Variants in DCC observed in about 807,000 individuals in gnomAD.
DCC encodes the protein netrin receptor DCC.
In DCC, 58 loss-of-function variants were observed where a neutral mutation model predicts 172.5. The observed-to-expected ratio is 0.34, with a 90% CI of 0.27 to 0.42. The LOEUF is 0.42. Among genes scored for constraint, DCC ranks in the 10% least tolerant of loss-of-function variants. The pLI is 1.00. For synonymous variants in DCC, 709 were observed against 644.5 expected (o/e 1.10, Z -1.52); for missense variants, 1,740 against 1,791.0 (o/e 0.97, Z 0.51).
intron 1 of DCC, among the ~76,000 whole-genome samples, chr18:52,725,636 G>T (rs1281541728): frequency 6.6e-6 from 1 of 152,122 alleles, no homozygotes; most frequent in Non-Finnish European, 1.5e-5. Flanking sequence ...TGTGGAGGAG[G>T]TATGCGACTC....
chr18:52,743,424 T>A (rs532622079), intron 1 of DCC, among the ~76,000 whole-genome samples: 14 of 152,288 alleles, frequency 9.2e-5, no homozygotes, highest in South Asian at 8.3e-4. Context: ...TGGGGCATGA[T>A]AACCTACATG....
Position 53,189,292 on chromosome 18 carries a change from G to A in DCC, c.1573+10176G>A, listed in dbSNP as rs1246838857. 2.6e-5 allele frequency among the ~76,000 whole-genome samples: 4 copies of A among 152,178 alleles called. No homozygotes were observed. In the East Asian group the frequency reaches 5.8e-4, roughly 22 times the overall value. On this transcript the variant is annotated intron_variant, in intron 9 of 28. Transcript: ENST00000442544. ...TCAGAGTCCAGATATTGGCATTAGT[G>A]TCTGGAAGAAAAACATTTTAGGGAT...
In DCC at chr18:52,646,604, A is replaced by C. The variant is rs185410571; in HGVS notation, c.92-105450A>C. ...AATAATTTGCCAGCACTGCTCACAAAACTTAGGGAAAGATTTACTTATGTT... is the reference window on the plus strand; with the variant it reads ...AATAATTTGCCAGCACTGCTCACAACACTTAGGGAAAGATTTACTTATGTT... On this transcript the variant is annotated intron_variant, in intron 1 of 28. Coordinates refer to ENST00000442544, the MANE Select transcript of DCC (RefSeq NM_005215.4). Among the ~76,000 whole-genome samples the C allele has an allele frequency of 1.6e-4, 25 of 152,298 alleles. No individual in the cohort carries two copies. In the East Asian group the frequency reaches 4.1e-3, roughly 25 times the overall value.
At chr18:53,191,236 A>G (rs2055362319) in intron 9 of DCC, among the ~76,000 whole-genome samples, 1 of 152,160 alleles carries the variant, frequency 6.6e-6, no homozygotes, top group South Asian at 2.1e-4. Context: ...GACTCCCAGA[A>G]ATGAGTAGAT....
At chr18:53,390,719 G>T (rs1217071359) in intron 16 of DCC, among the ~76,000 whole-genome samples, 1 of 152,134 alleles carries the variant, frequency 6.6e-6, no homozygotes, top group East Asian at 1.9e-4. Context: ...GTGTTTTGGA[G>T]AATTTTGTAA....
chr18:53,041,236 A>G (rs1401790675), intron 5 of DCC, among the ~76,000 whole-genome samples: 2 of 152,138 alleles, frequency 1.3e-5, no homozygotes, highest in East Asian at 3.9e-4. Flanking sequence ...GCATATGGCT[A>G]GCCAGTTTTC....
At chr18:53,498,062 A>T (rs1450652552) in intron 26 of DCC, among the ~76,000 whole-genome samples, 1 of 152,222 alleles carries the variant, frequency 6.6e-6, no homozygotes, top group African/African-American at 2.4e-5. Context: ...CTGCTCAATG[A>T]CCCAGAAGAC....
chr18:52,515,605 T>TAAAAAAA (rs2031604849), intron 1 of DCC, among the ~76,000 whole-genome samples: 1 of 1,422 alleles, frequency 7.0e-4, no homozygotes, highest in Non-Finnish European at 2.5e-3. Flanking sequence ...AAACCCTGTC[T>TAAAAAAA]CAAAAAAAAA....
intron 3 of DCC, among the ~76,000 whole-genome samples, chr18:52,912,749 A>G (rs1036258285): frequency 6.6e-6 from 1 of 152,002 alleles, no homozygotes; most frequent in South Asian, 2.1e-4. Context: ...GTTAAGAGAA[A>G]AGGGTGGACG....
chr18:52,768,908 A>G lies in DCC; in HGVS notation c.412+16534A>G, dbSNP rs1599090965. ...ATAAACAAGGAAGCAACAGAAGAGA[A>G]AAATATCTGTGGCCATTTGATATCA... On this transcript the variant is annotated intron_variant, in intron 2 of 28. Transcript: ENST00000442544. Among the ~76,000 whole-genome samples, 3 of 152,320 alleles carry G rather than the reference A, an allele frequency of 2.0e-5. 1 individual carries two copies. The highest frequency in any genetic ancestry group is 2.0e-4 in the Admixed American group (3 of 15,300).
intron 1 of DCC, among the ~76,000 whole-genome samples, chr18:52,351,849 A>G (rs752697563): frequency 6.6e-6 from 1 of 152,168 alleles, no homozygotes; most frequent in African/African-American, 2.4e-5. Context: ...TTTCAGTTAC[A>G]GTTCATTTAG....
intron 14 of DCC, among the ~76,000 whole-genome samples, chr18:53,339,418 G>A (rs2057629664): frequency 6.6e-6 from 1 of 152,054 alleles, no homozygotes; most frequent in Non-Finnish European, 1.5e-5. Flanking sequence ...TACCTAAGAA[G>A]AGATATGTAA....
chr18:52,815,104 A>T (rs1180197675), intron 2 of DCC, among the ~76,000 whole-genome samples: 1 of 152,278 alleles, frequency 6.6e-6, no homozygotes, highest in Admixed American at 6.5e-5. Flanking sequence ...ATAGTAAAAG[A>T]CTTTATGATG....
chr18:52,751,175 T>C (rs1046569607), intron 1 of DCC, among the ~76,000 whole-genome samples: 37 of 152,224 alleles, frequency 2.4e-4, no homozygotes, highest in African/African-American at 8.9e-4. Context: ...ACTTGAATGA[T>C]TTAAGTATAC....
At chr18:52,765,533 C>T (rs776930786) in intron 2 of DCC, among the ~76,000 whole-genome samples, 1 of 152,202 alleles carries the variant, frequency 6.6e-6, no homozygotes, top group Non-Finnish European at 1.5e-5. Context: ...GAACCTTTAA[C>T]TGGCCCCCTA....
At chr18:52,856,948 T>C (rs1458339826) in intron 2 of DCC, among the ~76,000 whole-genome samples, 1 of 152,184 alleles carries the variant, frequency 6.6e-6, no homozygotes, top group Non-Finnish European at 1.5e-5. Context: ...TTGACAATTC[T>C]TTTTCTCTAG....
intron 1 of DCC, among the ~76,000 whole-genome samples, chr18:52,667,760 A>C (rs1242389119): frequency 6.6e-6 from 1 of 152,180 alleles, no homozygotes; most frequent in Non-Finnish European, 1.5e-5. Flanking sequence ...TGCCTTCCCT[A>C]AGCAAAGAAA....
intron 15 of DCC, among the ~76,000 whole-genome samples, chr18:53,381,122 G>A (rs539862243): frequency 2.0e-5 from 1 of 49,224 alleles, no homozygotes; most frequent in African/African-American, 5.7e-5. Flanking sequence ...ATGGGGGTTA[G>A]GAGATGAAGA....
intron 1 of DCC, among the ~76,000 whole-genome samples, chr18:52,519,105 C>G (rs2031730461): frequency 6.6e-6 from 1 of 152,206 alleles, no homozygotes; most frequent in Non-Finnish European, 1.5e-5. Flanking sequence ...TTCTGAATGA[C>G]AACTTTTCTA....
Sources: allele counts gnomAD v4.1 joint callset (sites outside exome capture counted in the v4.1 genomes callset), GRCh38; gene constraint gnomAD v4.1.1; transcripts MANE v1.5; gene names NCBI Gene and HGNC (gene_info 2026-07-23, HGNC 2026-07-21).